Variants in CFI observed in about 807,000 individuals in gnomAD.
The protein encoded by CFI is complement factor I.
A neutral mutation model predicts 78.8 loss-of-function variants in CFI; 66 were observed. That is an observed-to-expected ratio of 0.84 (90% CI 0.69 to 1.03). CFI has a LOEUF of 1.03. Ranked by LOEUF, CFI falls within the 50% of genes least tolerant of loss-of-function variation. The pLI is 0.00. For synonymous variants in CFI, 250 were observed against 232.6 expected (o/e 1.07, Z -0.68); for missense variants, 706 against 704.5 (o/e 1.00, Z -0.02).
intron 8 of CFI, 82 bp downstream of exon 8, chr4:109,752,386 A>G: frequency 8.2e-7 from 1 of 1,213,952 alleles, no homozygotes; most frequent in Non-Finnish European, 1.2e-6. Context: ...TGTTGCTTGA[A>G]TCAATTATAT....
At chr4:109,783,134 C>A (rs982015208) in intron 1 of CFI, among the ~76,000 whole-genome samples, 1 of 151,968 alleles carries the variant, frequency 6.6e-6, no homozygotes, top group African/African-American at 2.4e-5. Context: ...ATTTCATGAC[C>A]AAGAACCCAA....
At chr4:109,760,047 G>A (rs1726834348) in intron 6 of CFI, 1 of 675,632 alleles carries the variant, frequency 1.5e-6, no homozygotes, top group Non-Finnish European at 2.7e-6. Flanking sequence ...TTTTGTATGT[G>A]CAGTGAGACC....
intron 3 of CFI, among the ~76,000 whole-genome samples, chr4:109,763,485 T>C (rs560431752): frequency 1.3e-5 from 2 of 151,660 alleles, no homozygotes; most frequent in Admixed American, 1.3e-4. Context: ...AGAGGAAAAA[T>C]AAATTCAACA....
intron 2 of CFI, among the ~76,000 whole-genome samples, 164 bp from the exon 3 acceptor site, chr4:109,764,854 G>T (rs1727537898): frequency 6.6e-6 from 1 of 152,162 alleles, no homozygotes; most frequent in Admixed American, 6.5e-5. Flanking sequence ...TATTTATTAT[G>T]TGTCAGCGGC....
At chr4:109,775,873 AG>A (rs1194248268) in intron 1 of CFI, among the ~76,000 whole-genome samples, 1 of 152,178 alleles carries the variant, frequency 6.6e-6, no homozygotes, top group Non-Finnish European at 1.5e-5. Flanking sequence ...CCAGGCAAAC[AG>A]GGTCTGTAGT....
intron 8 of CFI, among the ~76,000 whole-genome samples, chr4:109,752,226 T>G (rs1471647212): frequency 1.3e-5 from 2 of 152,168 alleles, no homozygotes; most frequent in East Asian, 3.8e-4. Flanking sequence ...ATGATTGGAG[T>G]ATTGTTTTCA....
intron 1 of CFI, among the ~76,000 whole-genome samples, chr4:109,798,073 A>G (rs1732283866): frequency 6.6e-6 from 1 of 152,224 alleles, no homozygotes; most frequent in South Asian, 2.1e-4. Context: ...AAGTGAAACA[A>G]GGCAGGGACA....
intron 3 of CFI, 24 bp from the exon 4 acceptor site, chr4:109,761,716 T>C (rs974750043): frequency 1.1e-5 from 17 of 1,581,250 alleles, no homozygotes; most frequent in Non-Finnish European, 1.4e-5. Flanking sequence ...AAAGGAAACA[T>C]TATGGTAGAA....
chr4:109,800,849 T>C (rs1481350354), intron 1 of CFI, among the ~76,000 whole-genome samples: 1 of 152,206 alleles, frequency 6.6e-6, no homozygotes, highest in East Asian at 1.9e-4. Context: ...TAGATAAATA[T>C]GTCATTTCAA....
chr4:109,792,232 T>G (rs1579313250), intron 1 of CFI, among the ~76,000 whole-genome samples: 2 of 152,334 alleles, frequency 1.3e-5, no homozygotes, highest in Non-Finnish European at 2.9e-5. Flanking sequence ...CTTATTGACC[T>G]TCTATTCATT....
chr4:109,750,815 A>G (rs1176883962), intron 8 of CFI, among the ~76,000 whole-genome samples: 1 of 152,220 alleles, frequency 6.6e-6, no homozygotes, highest in Non-Finnish European at 1.5e-5. Context: ...TATGGAGGCT[A>G]AAGCAACTTC....
chr4:109,758,968 C>T (rs137893996), intron 6 of CFI, among the ~76,000 whole-genome samples: 2 of 152,312 alleles, frequency 1.3e-5, no homozygotes, highest in East Asian at 3.9e-4. Flanking sequence ...TGGCACATGC[C>T]TATAATCCCA....
chr4:109,781,183 GA>G (rs1054930820), intron 1 of CFI, among the ~76,000 whole-genome samples: 9 of 151,718 alleles, frequency 5.9e-5, no homozygotes, highest in African/African-American at 2.2e-4. Flanking sequence ...TTGACCCAAT[GA>G]AATTGGAAAA....
chr4:109,752,478 G>A lies in CFI; in HGVS notation c.930C>T (p.Asp310=). Residue 310 remains aspartate, a synonymous_variant, in exon 8 of 13, where the codon GAC becomes GAT. Coordinates refer to ENST00000394634, the MANE Select transcript of CFI (RefSeq NM_000204.5). ...TQEETEILTA[D]MDAERRRIKS... ...ATAACGTTAGCTTACCTGCATCCAT[G>A]TCAGCAGTCAAAATTTCTGTTTCTT... 3 of 1,613,274 alleles carry A rather than the reference G, an allele frequency of 1.9e-6. No homozygotes were observed. Among genetic ancestry groups the A allele is most frequent in the African/African-American group, 1.3e-5 (1 of 74,980 alleles).
the CFI span, among the ~76,000 whole-genome samples, chr4:109,733,561 G>A: frequency 6.6e-6 from 1 of 152,190 alleles, no homozygotes; most frequent in African/African-American, 2.4e-5. Flanking sequence ...GTCCAGGAAA[G>A]GAGCAGTGGA....
At position 109,760,348 on chromosome 4, in the gene CFI, C is replaced by A. The variant is rs772561998; in HGVS notation, c.805G>T (p.Gly269Cys). 1.9e-6 allele frequency: 3 copies of A among 1,614,044 alleles called. No homozygotes were observed. The highest frequency in any genetic ancestry group is 1.1e-5 in the South Asian group (1 of 91,082). ...TGATACTGGCTTGGAATGCAAACAC[C>A]CGATTTGCAATGGAAGCCTTTGCCT... ...CQGKGFHCKS[G>C]VCIPSQYQCN... Residue 269 changes from glycine (G) to cysteine (C), a missense_variant, in exon 6 of 13, where the codon GGT becomes TGT. Coordinates refer to ENST00000394634, the MANE Select transcript of CFI (RefSeq NM_000204.5).
chr4:109,795,203 T>C (rs1731908064), intron 1 of CFI, among the ~76,000 whole-genome samples: 1 of 152,116 alleles, frequency 6.6e-6, no homozygotes, highest in African/African-American at 2.4e-5. Context: ...CAAGACTGTC[T>C]ACCCACACAG....
In CFI at chr4:109,778,036, A is replaced by T. The variant is rs190908096; in HGVS notation, c.58-11212T>A. ...ATGCCCACAAGAGAAAGCAGGAAAG[A>T]TCTAAAATTGACACCCTAAAATCAC... On this transcript the variant is annotated intron_variant, in intron 1 of 12. Coordinates refer to ENST00000394634, the MANE Select transcript of CFI (RefSeq NM_000204.5). Among the ~76,000 whole-genome samples, 120 of 152,352 alleles carry T rather than the reference A, an allele frequency of 7.9e-4. No homozygotes were observed. The East Asian group carries it at 0.019, about 24-fold the overall frequency.
At chr4:109,789,500 G>A (rs893380161) in intron 1 of CFI, among the ~76,000 whole-genome samples, 6 of 152,026 alleles carry the variant, frequency 3.9e-5, no homozygotes, top group African/African-American at 1.2e-4. Flanking sequence ...ATGCAAATGC[G>A]AAGACAATGC....
Sources: allele counts gnomAD v4.1 joint callset (sites outside exome capture counted in the v4.1 genomes callset), GRCh38; gene constraint gnomAD v4.1.1; transcripts MANE v1.5; gene names NCBI Gene and HGNC (gene_info 2026-07-23, HGNC 2026-07-21).